Variants in DOCK2 observed in about 807,000 individuals in gnomAD.
DOCK2 encodes dedicator of cytokinesis 2, also known as dedicator of cytokinesis protein 2.
A neutral mutation model predicts 248.9 loss-of-function variants in DOCK2; 87 were observed. That is an observed-to-expected ratio of 0.35 (90% CI 0.29 to 0.42). The LOEUF (loss-of-function observed/expected upper bound fraction) is 0.42, where lower values mean the gene tolerates loss of function less well. DOCK2 is among the 10% of genes least tolerant of loss of function. The pLI is 1.00. For synonymous variants in DOCK2, 805 were observed against 821.6 expected (o/e 0.98, Z 0.35); for missense variants, 1,747 against 2,300.2 (o/e 0.76, Z 4.92).
In DOCK2 at chr5:170,081,828, T is replaced by C; in HGVS notation, c.5288-14T>C. The C allele has an allele frequency of 1.3e-6, 2 of 1,528,970 alleles. No individual in the cohort carries two copies. The allele number at this position is 1,528,970 out of a possible 1,614,324, so 94.7% of individuals were successfully genotyped here. ...TACCCACCCATTCACACCCCAGCTC[T>C]GCTCTCCTTCCAGCCCTGGCGCTCT... On this transcript the variant is annotated splice_polypyrimidine_tract_variant and intron_variant, in intron 50 of 51. Coordinates refer to ENST00000520908, the MANE Select transcript of DOCK2 (RefSeq NM_004946.3).
chr5:170,076,090 G>A lies in DOCK2; in HGVS notation c.4866+6G>A. On this transcript the variant is annotated splice_donor_region_variant and intron_variant, in intron 47 of 51. Transcript: ENST00000520908. ...AGTACGGTGTCCGAGAGATGGTATG[G>A]GTGGTTCCTATGGCTTGGAGGGGTG... The A allele has an allele frequency of 1.2e-6, 2 of 1,613,892 alleles. No homozygotes were observed. The highest frequency in any genetic ancestry group is 1.7e-6 in the Non-Finnish European group (2 of 1,179,866).
intron 44 of DOCK2, among the ~76,000 whole-genome samples, chr5:170,062,222 T>G (rs1553297): frequency 0.5 from 76,225 of 151,718 alleles, 21,586 homozygotes; most frequent in African/African-American, 0.77. Context: ...ACATCCAGAC[T>G]CAGGGTAAGG....
chr5:169,925,186 G>A (rs1421064508), intron 27 of DOCK2, among the ~76,000 whole-genome samples: 2 of 152,172 alleles, frequency 1.3e-5, no homozygotes, highest in African/African-American at 4.8e-5. Context: ...CTGTAGTAGG[G>A]AGCTGAGGAC....
At chr5:169,985,393 G>A (rs912212975) in intron 28 of DOCK2, among the ~76,000 whole-genome samples, 2 of 128,760 alleles carry the variant, frequency 1.6e-5, no homozygotes, top group Non-Finnish European at 3.4e-5. Context: ...GTGTGTGTGT[G>A]TATGTGTGTG....
intron 32 of DOCK2, among the ~76,000 whole-genome samples, chr5:170,012,814 G>T (rs896563302): frequency 2.0e-5 from 3 of 152,162 alleles, no homozygotes; most frequent in Non-Finnish European, 4.4e-5. Flanking sequence ...CATTCACTTG[G>T]GTTAACACTG....
intron 27 of DOCK2, among the ~76,000 whole-genome samples, chr5:169,845,475 G>A (rs1331145483): frequency 6.6e-6 from 1 of 152,172 alleles, no homozygotes; most frequent in Non-Finnish European, 1.5e-5. Flanking sequence ...CTGGCGTGCA[G>A]TGGGTACCCA....
intron 2 of DOCK2, among the ~76,000 whole-genome samples, chr5:169,667,159 C>T (rs1248018503): frequency 2.0e-5 from 3 of 151,942 alleles, no homozygotes; most frequent in Admixed American, 1.3e-4. Flanking sequence ...ATTGGTCCCT[C>T]GATTGTTTTT....
intron 33 of DOCK2, among the ~76,000 whole-genome samples, chr5:170,021,665 C>T (rs1755732554): frequency 6.6e-6 from 1 of 152,120 alleles, no homozygotes; most frequent in South Asian, 2.1e-4. Flanking sequence ...CACTTCTCCT[C>T]GCAGCTCCCT....
Position 169,689,345 on chromosome 5 carries a change from C to G in DOCK2, c.843+12C>G. 2 of 1,613,730 alleles carry G rather than the reference C, an allele frequency of 1.2e-6. No individual in the cohort carries two copies. Among genetic ancestry groups the G allele is most frequent in the Non-Finnish European group, 1.7e-6 (2 of 1,179,878 alleles). The stretch of plus-strand genomic sequence containing the variant: ...AGGTGGTCTTCACGGTGAGTGTGCA[C>G]CCTCTTCTCGTTACCGTGCTCCCCA... On this transcript the variant is annotated intron_variant, in intron 9 of 51. Transcript: ENST00000520908.
In DOCK2 at chr5:169,766,780, T is replaced by A. The variant is rs186937872; in HGVS notation, c.2554+5155T>A. Among the ~76,000 whole-genome samples the A allele has an allele frequency of 2.1e-3, 327 of 152,348 alleles. 3 individuals are homozygous for A. The highest frequency in any genetic ancestry group is 2.5e-3 in the Non-Finnish European group (173 of 68,028). On this transcript the variant is annotated intron_variant, in intron 25 of 51. Transcript: ENST00000520908. Reference sequence around the variant, plus strand: ...TTTTTGACTTTTTATTTATTTATTTTTTTTGAGACTGAGTTTTGCTCTTGT... The same window carrying A: ...TTTTTGACTTTTTATTTATTTATTTATTTTGAGACTGAGTTTTGCTCTTGT...
At chr5:169,874,571 G>A (rs1772202572) in intron 27 of DOCK2, among the ~76,000 whole-genome samples, 2 of 152,176 alleles carry the variant, frequency 1.3e-5, no homozygotes, top group Admixed American at 6.5e-5. Context: ...AAGTGGGAAT[G>A]TAGTGGTAAT....
intron 22 of DOCK2, among the ~76,000 whole-genome samples, chr5:169,742,404 C>A (rs1763366043): frequency 6.6e-6 from 1 of 152,146 alleles, no homozygotes; most frequent in Non-Finnish European, 1.5e-5. Context: ...AGATTAGGTA[C>A]CTTAGCCAAG....
At chr5:169,708,640 C>T (rs528813601) in intron 15 of DOCK2, among the ~76,000 whole-genome samples, 54 of 151,920 alleles carry the variant, frequency 3.6e-4, no homozygotes, top group African/African-American at 1.2e-3. Context: ...TCTCTGCTCA[C>T]TGCAACCACT....
chr5:169,936,639 T>G (rs1376149976), intron 27 of DOCK2, among the ~76,000 whole-genome samples: 1 of 147,520 alleles, frequency 6.8e-6, no homozygotes, highest in Non-Finnish European at 1.5e-5. Context: ...GAGAAACCAG[T>G]GTGGCTACTG....
chr5:170,004,018 A>G (rs989653947), intron 30 of DOCK2, among the ~76,000 whole-genome samples: 1 of 152,210 alleles, frequency 6.6e-6, no homozygotes, highest in Non-Finnish European at 1.5e-5. Flanking sequence ...TGGCTCATAA[A>G]GGTCTTCCAG....
At chr5:169,757,401 A>G (rs1002924430) in intron 23 of DOCK2, among the ~76,000 whole-genome samples, 1 of 152,212 alleles carries the variant, frequency 6.6e-6, no homozygotes, top group Non-Finnish European at 1.5e-5. Context: ...GCTTAAGCCA[A>G]TGCTTTCCAA....
intron 27 of DOCK2, among the ~76,000 whole-genome samples, chr5:169,877,406 C>A (rs1481088352): frequency 1.3e-5 from 2 of 152,098 alleles, no homozygotes; most frequent in Non-Finnish European, 2.9e-5. Flanking sequence ...TCTGAACCTG[C>A]GGCAGAGGAA....
chr5:169,853,691 T>C (rs112544465), intron 27 of DOCK2, among the ~76,000 whole-genome samples: 1,623 of 152,124 alleles, frequency 0.011, 33 homozygotes, highest in African/African-American at 0.035. Context: ...CAGAACATGT[T>C]CTAAGGCTCA....
chr5:170,036,550 C>T lies in DOCK2; in HGVS notation c.3660C>T (p.Tyr1220=), dbSNP rs1756329911. 6.2e-7 allele frequency: 1 copy of T among 1,612,960 alleles called. No individual in the cohort carries two copies. Among genetic ancestry groups the T allele is most frequent in the Non-Finnish European group, 8.5e-7 (1 of 1,179,524 alleles). Residue 1220 remains tyrosine (Y), a synonymous_variant, in exon 36 of 52, where the codon TAC becomes TAT. Transcript: ENST00000520908. The part of the protein sequence containing the change: ...FYKDNNREEM[Y]IRYLYKLRDL... ...AAGATAACAACAGGGAGGAGATGTA[C>T]ATAAGGTAAGATTCATATTTTCTAA...
Sources: allele counts gnomAD v4.1 joint callset (sites outside exome capture counted in the v4.1 genomes callset), GRCh38; gene constraint gnomAD v4.1.1; transcripts MANE v1.5; gene names NCBI Gene and HGNC (gene_info 2026-07-23, HGNC 2026-07-21).